Variants in ARHGAP17 observed in about 807,000 individuals in gnomAD.
ARHGAP17 encodes the protein rho GTPase-activating protein 17.
ARHGAP17 carries 57 observed loss-of-function variants against 99.5 expected under a neutral mutation model. That is an observed-to-expected ratio of 0.57 (90% confidence interval 0.46 to 0.71). ARHGAP17 has a LOEUF of 0.71. ARHGAP17 is among the 30% of genes least tolerant of loss of function. The pLI, the probability that ARHGAP17 is intolerant of heterozygous loss-of-function variation, is 0.00. For missense variants in ARHGAP17, 1,000 were observed against 1,122.4 expected, an observed-to-expected ratio of 0.89 and a Z score of 1.56; for synonymous variants, 417 against 429.6, an observed-to-expected ratio of 0.97 and a Z score of 0.36.
chr16:25,002,587 T>A (rs1335814212), intron 1 of ARHGAP17, among the ~76,000 whole-genome samples: 1 of 152,178 alleles, frequency 6.6e-6, no homozygotes, highest in Non-Finnish European at 1.5e-5. Flanking sequence ...ACGATGGACT[T>A]CCACAGATGA....
intron 1 of ARHGAP17, among the ~76,000 whole-genome samples, chr16:24,989,607 G>A (rs771034845): frequency 3.3e-5 from 5 of 152,068 alleles, no homozygotes; most frequent in Non-Finnish European, 5.9e-5. Flanking sequence ...GGGGAATGGG[G>A]ATTAACTGTA....
At chr16:24,952,793 G>A (rs561594908) in intron 11 of ARHGAP17, 138 bp downstream of exon 11, 3 of 704,446 alleles carry the variant, frequency 4.3e-6, no homozygotes, top group African/African-American at 1.8e-5. Context: ...ATACACTAAG[G>A]AATTGTAGCA....
chr16:24,987,726 A>G (rs1412397645), intron 1 of ARHGAP17, among the ~76,000 whole-genome samples: 1 of 152,096 alleles, frequency 6.6e-6, no homozygotes, highest in Non-Finnish European at 1.5e-5. Context: ...TTGGTTTACA[A>G]TTTCACATGA....
chr16:24,927,264 T>C (rs9927434), intron 19 of ARHGAP17, among the ~76,000 whole-genome samples: 27,401 of 152,152 alleles, frequency 0.18, 7,932 homozygotes, highest in African/African-American at 0.61. Context: ...AACAGAATAA[T>C]CTTGGACTTT....
chr16:24,954,875 G>T, intron 9 of ARHGAP17, 145 bp from the exon 10 acceptor site: 1 of 1,199,908 alleles, frequency 8.3e-7, no homozygotes, highest in Non-Finnish European at 1.2e-6. Context: ...ATTTGCTTTT[G>T]TTATTTGCCA....
chr16:24,968,542 TC>T (rs1260421796), intron 5 of ARHGAP17, 115 bp from the exon 6 acceptor site: 1 of 1,484,066 alleles, frequency 6.7e-7, no homozygotes. Flanking sequence ...TTCAATTGAC[TC>T]CCCTTATTTC....
intron 15 of ARHGAP17, 109 bp from the exon 16 acceptor site, chr16:24,942,252 T>A (rs2051335438): frequency 8.9e-7 from 1 of 1,129,330 alleles, no homozygotes. Context: ...TCCACAGCCC[T>A]CACTATTTCA....
At chr16:24,947,764 T>G (rs1347571780) in intron 13 of ARHGAP17, among the ~76,000 whole-genome samples, 169 bp from the exon 14 acceptor site, 1 of 152,188 alleles carries the variant, frequency 6.6e-6, no homozygotes, top group East Asian at 1.9e-4. Context: ...TGTTCTTTGC[T>G]TCAGATAATA....
At position 24,984,602 on chromosome 16, in the gene ARHGAP17, G is replaced by A. The variant is rs140762260; in HGVS notation, c.54-5597C>T. ...TCCCGGGAGGCGGAGTTTGCAGTGAGCTGAGATTGAAATTGCGCCACTGCA... is the reference window on the plus strand; with the variant it reads ...TCCCGGGAGGCGGAGTTTGCAGTGAACTGAGATTGAAATTGCGCCACTGCA... On this transcript the variant is annotated intron_variant, in intron 1 of 19. Transcript: ENST00000289968. 4.6e-3 allele frequency among the ~76,000 whole-genome samples: 698 copies of A among 152,046 alleles called. 5 individuals are homozygous for A. The highest frequency in any genetic ancestry group is 0.021 in the South Asian group (100 of 4,806).
At chr16:24,966,439 C>A (rs1463514705) in intron 6 of ARHGAP17, among the ~76,000 whole-genome samples, 1 of 152,136 alleles carries the variant, frequency 6.6e-6, no homozygotes, top group Non-Finnish European at 1.5e-5. Flanking sequence ...TTGAGACCAG[C>A]CTGGCCAATG....
At chr16:24,935,425 T>A (rs1360096318) in intron 18 of ARHGAP17, 45 bp downstream of exon 18, 1 of 1,543,158 alleles carries the variant, frequency 6.5e-7, no homozygotes, top group Admixed American at 2.0e-5. Flanking sequence ...CTTAAGGAGG[T>A]CTGCACAGGC....
Position 25,013,360 on chromosome 16 carries a change from C to T in ARHGAP17, c.53+1849G>A, listed in dbSNP as rs547567102. ...TGAAGGTGCCAGGCAAGGTGGCTCA[C>T]GCTTGTAGTCCCAGAACTTTGGGAG... On this transcript the variant is annotated intron_variant, in intron 1 of 19. Transcript: ENST00000289968. 5.3e-5 allele frequency among the ~76,000 whole-genome samples: 8 copies of T among 152,268 alleles called. No homozygotes were observed. The East Asian group carries it at 1.5e-3, about 29-fold the overall frequency.
At chr16:24,952,486 C>A (rs2051673640) in intron 11 of ARHGAP17, 116 bp from the exon 12 acceptor site, 4 of 694,862 alleles carry the variant, frequency 5.8e-6, no homozygotes, top group East Asian at 6.0e-5. Flanking sequence ...GTGTACATAA[C>A]AAATCATAAG....
At position 24,942,056 on chromosome 16, in the gene ARHGAP17, G is replaced by A. The variant is rs953538977; in HGVS notation, c.1421C>T (p.Ser474Leu). ...HSFHTGNDSD[S>L]GTLERKRPAS... ...AGGCCGCTTCCTCTCCAGGGTCCCC[G>A]AGTCAGAGTCGTTTCCAGTGTGGAA... Residue 474 changes from serine to leucine, a missense_variant, in exon 16 of 20, where the codon TCG becomes TTG. By Grantham distance (145) the Ser-to-Leu change is moderately radical. Transcript: ENST00000289968. 39 of 1,614,016 alleles carry A rather than the reference G, an allele frequency of 2.4e-5. No homozygotes were observed. Among genetic ancestry groups the A allele is most frequent in the Non-Finnish European group, 3.0e-5 (35 of 1,180,022 alleles).
In ARHGAP17 at chr16:24,939,603, C is replaced by A; in HGVS notation, c.1491-6G>T. 2 of 1,598,816 alleles carry A rather than the reference C, an allele frequency of 1.3e-6. No individual in the cohort carries two copies. The highest frequency in any genetic ancestry group is 2.2e-5 in the East Asian group (1 of 44,446). On this transcript the variant is annotated splice_region_variant and splice_polypyrimidine_tract_variant and intron_variant, in intron 16 of 19. Coordinates refer to ENST00000289968, the MANE Select transcript of ARHGAP17 (RefSeq NM_001006634.3). ...CCATAAGCTTCACACCAAAGCTACA[C>A]AGAGAGAAGAAACAGTCAACACACC...
At chr16:24,938,772 A>AG (rs1491476184) in intron 17 of ARHGAP17, among the ~76,000 whole-genome samples, 1 of 136,902 alleles carries the variant, frequency 7.3e-6, no homozygotes, top group African/African-American at 3.0e-5. Flanking sequence ...ACGCAGTCTC[A>AG]GAAAAAAAAA....
intron 1 of ARHGAP17, among the ~76,000 whole-genome samples, chr16:24,981,090 G>A (rs2052662812): frequency 1.3e-5 from 2 of 152,214 alleles, no homozygotes; most frequent in African/African-American, 4.8e-5. Flanking sequence ...GTTAGTAATA[G>A]CTCAGAGGTA....
chr16:24,954,559 G>C lies in ARHGAP17; in HGVS notation c.852+44C>G, dbSNP rs763942489. ...GAGCATGGTGCTCTGGGTACAACAAGGGGCATGGAGACTTGGTGCACAGGA... is the reference window on the plus strand; with the variant it reads ...GAGCATGGTGCTCTGGGTACAACAACGGGCATGGAGACTTGGTGCACAGGA... On this transcript the variant is annotated intron_variant, in intron 10 of 19. Transcript: ENST00000289968. The C allele has an allele frequency of 2.2e-5, 35 of 1,587,714 alleles. No individual in the cohort carries two copies. In the South Asian group the frequency reaches 3.8e-4, roughly 17 times the overall value.
intron 1 of ARHGAP17, among the ~76,000 whole-genome samples, chr16:24,990,256 G>A (rs1356220383): frequency 1.3e-5 from 2 of 152,194 alleles, no homozygotes; most frequent in African/African-American, 4.8e-5. Flanking sequence ...AGGCCAAAGT[G>A]GGAGAATCAC....
Sources: allele counts gnomAD v4.1 joint callset (sites outside exome capture counted in the v4.1 genomes callset), GRCh38; gene constraint gnomAD v4.1.1; transcripts MANE v1.5; gene names NCBI Gene and HGNC (gene_info 2026-07-23, HGNC 2026-07-21).